Variants in CTNNA1 observed in about 807,000 individuals in gnomAD.
The protein encoded by CTNNA1 is catenin alpha 1, also known as catenin alpha-1.
A neutral mutation model predicts 98.4 loss-of-function variants in CTNNA1; 37 were observed. The observed-to-expected ratio is 0.38, with a 90% CI of 0.29 to 0.49. The LOEUF (loss-of-function observed/expected upper bound fraction) is 0.49, where lower values mean the gene tolerates loss of function less well. CTNNA1 is among the 20% of genes least tolerant of loss of function. The pLI is 0.95. For synonymous variants in CTNNA1, 404 were observed against 413.2 expected (o/e 0.98, Z 0.27); for missense variants, 761 against 1,147.2 (o/e 0.66, Z 4.86).
intron 1 of CTNNA1, among the ~76,000 whole-genome samples, chr5:138,756,830 G>C (rs868274794): frequency 6.6e-6 from 1 of 152,178 alleles, no homozygotes; most frequent in East Asian, 1.9e-4. Flanking sequence ...GCAGAGAGTT[G>C]AGCTAGGAAG....
rs368294223 is a variant in CTNNA1, at chr5:138,814,834, A to C, written c.588+2532A>C. Among the ~76,000 whole-genome samples, 11 of 152,080 alleles carry C rather than the reference A, an allele frequency of 7.2e-5. No homozygotes were observed. In the East Asian group the frequency reaches 1.2e-3, roughly 16 times the overall value. The stretch of plus-strand genomic sequence containing the variant: ...AGTGGTGCGATCTCGGCTCACTGCA[A>C]CCTCCACCTCCTGGGTTCAAGCTAT... On this transcript the variant is annotated intron_variant, in intron 5 of 17. Transcript: ENST00000302763.
intron 5 of CTNNA1, among the ~76,000 whole-genome samples, chr5:138,824,188 TAATCCTCAA>T (rs1254747438): frequency 6.6e-6 from 1 of 152,106 alleles, no homozygotes; most frequent in Non-Finnish European, 1.5e-5. Flanking sequence ...TTATCCGATT[TAATCCTCAA>T]AACAATGATA....
At chr5:138,860,065 A>G (rs1764118628) in intron 7 of CTNNA1, among the ~76,000 whole-genome samples, 1 of 152,152 alleles carries the variant, frequency 6.6e-6, no homozygotes, top group Admixed American at 6.6e-5. Context: ...ATTGATATAA[A>G]ATATTTGAAA....
intron 1 of CTNNA1, among the ~76,000 whole-genome samples, chr5:138,769,610 G>A (rs571439875): frequency 1.3e-5 from 2 of 152,034 alleles, no homozygotes; most frequent in East Asian, 1.9e-4. Flanking sequence ...TTGGCTCACC[G>A]CAGCCTCCGC....
At chr5:138,915,146 CTAAAA>C (rs937828251) in intron 10 of CTNNA1, among the ~76,000 whole-genome samples, 29 of 152,082 alleles carry the variant, frequency 1.9e-4, no homozygotes, top group East Asian at 9.7e-4. Context: ...CACTCTGTCT[CTAAAA>C]TAAAATAAAA....
rs377009963 is a variant in CTNNA1, at chr5:138,848,462, TCTC to T, written c.1062+20749_1062+20751del. 5.9e-4 allele frequency among the ~76,000 whole-genome samples: 90 copies of T among 152,352 alleles called. No homozygotes were observed. In the South Asian group the frequency reaches 0.016, roughly 26 times the overall value. Reference sequence around the variant, plus strand: ...TTCATAGAGCCATTGCATTTATCATTCTCCTCCAAGAGCTTAGTTCTCTCTCTG... The same window carrying T: ...TTCATAGAGCCATTGCATTTATCATTCTCCAAGAGCTTAGTTCTCTCTCTG... On this transcript the variant is annotated intron_variant, in intron 7 of 17. Coordinates refer to ENST00000302763, the MANE Select transcript of CTNNA1 (RefSeq NM_001903.5).
chr5:138,783,422 A>G (rs1465899655), intron 3 of CTNNA1, 50 bp downstream of exon 3: 2 of 1,516,032 alleles, frequency 1.3e-6, no homozygotes, highest in African/African-American at 1.4e-5. Context: ...TTTCTAGAAA[A>G]TCAGTGTTTG....
At chr5:138,902,724 G>A (rs1408809124) in intron 9 of CTNNA1, among the ~76,000 whole-genome samples, 1 of 152,130 alleles carries the variant, frequency 6.6e-6, no homozygotes, top group Non-Finnish European at 1.5e-5. Flanking sequence ...CGGTACACCA[G>A]CGATCTTTGT....
chr5:138,866,188 G>T (rs1012856529), intron 7 of CTNNA1, among the ~76,000 whole-genome samples: 6 of 151,868 alleles, frequency 4.0e-5, no homozygotes, highest in Non-Finnish European at 8.8e-5. Flanking sequence ...ACCCGGTCTG[G>T]AAATAATTAA....
intron 12 of CTNNA1, 53 bp from the exon 13 acceptor site, chr5:138,925,203 G>A (rs1018568678): frequency 4.4e-6 from 7 of 1,587,550 alleles, no homozygotes; most frequent in Non-Finnish European, 6.0e-6. Context: ...GGAGGGCCAG[G>A]GGAATGATGC....
At chr5:138,784,378 A>G (rs1441297233) in intron 3 of CTNNA1, among the ~76,000 whole-genome samples, 1 of 152,228 alleles carries the variant, frequency 6.6e-6, no homozygotes, top group Non-Finnish European at 1.5e-5. Context: ...GGTAGATTGC[A>G]TAGTCCAGAG....
chr5:138,892,328 G>GTTTTTTTTTTTTTTT, intron 9 of CTNNA1, among the ~76,000 whole-genome samples: 1 of 79,242 alleles, frequency 1.3e-5, no homozygotes. Context: ...AAATAGCTTA[G>GTTTTTTTTTTTTTTT]TTTTTTTTTT....
At chr5:138,932,820 G>A in intron 17 of CTNNA1, 108 bp downstream of exon 17, 1 of 1,381,164 alleles carries the variant, frequency 7.2e-7, no homozygotes, top group Non-Finnish European at 1.0e-6. Context: ...AAAGTGTGCT[G>A]TGCAGAAACT....
At chr5:138,799,953 G>T (rs1757395040) in intron 3 of CTNNA1, among the ~76,000 whole-genome samples, 1 of 152,010 alleles carries the variant, frequency 6.6e-6, no homozygotes, top group Middle Eastern at 3.2e-3. Context: ...CTGGAGTGCA[G>T]TGGTGCCATC....
At chr5:138,809,954 T>G in intron 3 of CTNNA1, 84 bp from the exon 4 acceptor site, 1 of 1,451,854 alleles carries the variant, frequency 6.9e-7, no homozygotes, top group Non-Finnish European at 9.2e-7. Context: ...TATACAAAGT[T>G]TGGATTATTT....
chr5:138,777,030 T>G (rs1754360750), intron 1 of CTNNA1, among the ~76,000 whole-genome samples: 3 of 151,164 alleles, frequency 2.0e-5, no homozygotes, highest in East Asian at 3.9e-4. Context: ...ATGGGGTGGC[T>G]GCCGGGCAGA....
chr5:138,932,687 TCGG>T lies in CTNNA1; in HGVS notation c.2412_2414del (p.Gly805del), dbSNP rs1287084531. On this transcript the variant is annotated inframe_deletion, in exon 17 of 18. Transcript: ENST00000302763. ...AAGGTCAAGGCCGAGGTGCAGAATC[TCGG>T]CGGGGAGCTTGTTGTCTCTGGGGTA... The T allele has an allele frequency of 1.2e-6, 2 of 1,613,940 alleles. No individual in the cohort carries two copies.
chr5:138,818,317 G>A (rs547195442), intron 5 of CTNNA1, among the ~76,000 whole-genome samples: 28 of 150,138 alleles, frequency 1.9e-4, no homozygotes, highest in Non-Finnish European at 3.2e-4. Flanking sequence ...GTCTTGTTAC[G>A]TTGTCCAGGC....
Position 138,856,750 on chromosome 5 carries a change from A to G in CTNNA1, c.1062+29032A>G, listed in dbSNP as rs150857930. ...CAGAAGGGTGGATTTTACTAGGGTAAATTGGACTCAAGCAAGAGTGTTTCC... is the reference window on the plus strand; with the variant it reads ...CAGAAGGGTGGATTTTACTAGGGTAGATTGGACTCAAGCAAGAGTGTTTCC... On this transcript the variant is annotated intron_variant, in intron 7 of 17. Coordinates refer to ENST00000302763, the MANE Select transcript of CTNNA1 (RefSeq NM_001903.5). 9.1e-3 allele frequency among the ~76,000 whole-genome samples: 1,386 copies of G among 152,326 alleles called. 11 individuals carry two copies. Among genetic ancestry groups the G allele is most frequent in the Middle Eastern group, 0.041 (12 of 294 alleles).
Sources: gnomAD v4.1 joint callset for allele counts (sites outside exome capture counted in the v4.1 genomes callset) on GRCh38, gnomAD v4.1.1 for gene constraint, MANE v1.5 for transcripts, NCBI Gene and HGNC (gene_info 2026-07-23, HGNC 2026-07-21) for gene names.